Variants in RBFOX1 observed in about 807,000 individuals in gnomAD.
RBFOX1 encodes the protein RNA binding fox-1 homolog 1.
RBFOX1 carries 8 observed loss-of-function variants against 57.7 expected under a neutral mutation model. The observed-to-expected ratio is 0.14, with a 90% CI of 0.08 to 0.25. The LOEUF (loss-of-function observed/expected upper bound fraction) is 0.25. Ranked by LOEUF, RBFOX1 falls within the 10% of genes least tolerant of loss-of-function variation. The pLI is 1.00. For missense variants in RBFOX1, 611 were observed against 548.5 expected (o/e 1.11, Z -1.14); for synonymous variants, 326 against 222.4 (o/e 1.47, Z -4.15).
At chr16:6,584,565 T>A (rs2097580427) in intron 2 of RBFOX1, among the ~76,000 whole-genome samples, 1 of 151,956 alleles carries the variant, frequency 6.6e-6, no homozygotes. Flanking sequence ...GATAGGGTTT[T>A]GCCATGTTGA....
At chr16:5,480,162 G>A (rs1401541945) in intron 2 of RBFOX1, among the ~76,000 whole-genome samples, 1 of 152,166 alleles carries the variant, frequency 6.6e-6, no homozygotes, top group Non-Finnish European at 1.5e-5. Context: ...TGTGATCTAG[G>A]TTTTCTTTCA....
chr16:7,074,943 G>A (rs1265845189), intron 4 of RBFOX1, among the ~76,000 whole-genome samples: 3 of 152,164 alleles, frequency 2.0e-5, no homozygotes, highest in South Asian at 2.1e-4. Flanking sequence ...GAAATGGTGA[G>A]GTTGGGAAGA....
intron 3 of RBFOX1, among the ~76,000 whole-genome samples, chr16:6,799,439 A>C (rs2084844396): frequency 6.6e-6 from 1 of 152,148 alleles, no homozygotes; most frequent in Admixed American, 6.5e-5. Flanking sequence ...CTTTCTGGAA[A>C]AGAGGGAGTT....
At chr16:5,870,372 G>T (rs2057440485) in intron 4 of RBFOX1, among the ~76,000 whole-genome samples, 1 of 85,758 alleles carries the variant, frequency 1.2e-5, no homozygotes, top group African/African-American at 4.8e-5. Context: ...AATTTGTATG[G>T]CAAAAAAAAA....
intron 2 of RBFOX1, among the ~76,000 whole-genome samples, chr16:6,602,845 C>G (rs764077676): frequency 6.6e-6 from 1 of 152,116 alleles, no homozygotes; most frequent in Admixed American, 6.5e-5. Context: ...GCCCCACACA[C>G]CCCCACCATC....
chr16:7,176,985 G>C (rs1432415371), intron 4 of RBFOX1, among the ~76,000 whole-genome samples: 1 of 152,042 alleles, frequency 6.6e-6, no homozygotes, highest in Non-Finnish European at 1.5e-5. Context: ...GTTTTCAATA[G>C]AAAAATAAAA....
At chr16:5,655,113 G>A (rs1405577189) in intron 3 of RBFOX1, among the ~76,000 whole-genome samples, 1 of 152,154 alleles carries the variant, frequency 6.6e-6, no homozygotes, top group Non-Finnish European at 1.5e-5. Flanking sequence ...CTGACAGATG[G>A]TGCCATCTTC....
At chr16:6,219,320 A>G (rs2097356533) in intron 1 of RBFOX1, among the ~76,000 whole-genome samples, 1 of 152,130 alleles carries the variant, frequency 6.6e-6, no homozygotes. Flanking sequence ...ATACGCACAC[A>G]AAAAAGTAAT....
At chr16:6,266,909 C>G (rs2074581620) in intron 1 of RBFOX1, among the ~76,000 whole-genome samples, 1 of 152,168 alleles carries the variant, frequency 6.6e-6, no homozygotes, top group African/African-American at 2.4e-5. Flanking sequence ...TGATTCGCTT[C>G]TGAATTCCAT....
intron 3 of RBFOX1, among the ~76,000 whole-genome samples, chr16:5,865,196 A>C (rs1198654484): frequency 6.6e-6 from 1 of 152,200 alleles, no homozygotes; most frequent in Non-Finnish European, 1.5e-5. Context: ...GTTGAATATC[A>C]TATTTCCCTG....
intron 1 of RBFOX1, among the ~76,000 whole-genome samples, chr16:6,245,680 G>C (rs1175180308): frequency 6.6e-6 from 1 of 152,146 alleles, no homozygotes; most frequent in Non-Finnish European, 1.5e-5. Context: ...AACTCTTAGT[G>C]GTGTTAGAAT....
intron 5 of RBFOX1, among the ~76,000 whole-genome samples, chr16:7,534,194 C>T (rs895598676): frequency 6.7e-6 from 1 of 149,630 alleles, no homozygotes. Flanking sequence ...TCAGGCGATT[C>T]TCCTGCCTCA....
chr16:5,735,038 T>G (rs1045585985), intron 3 of RBFOX1, among the ~76,000 whole-genome samples: 11 of 152,180 alleles, frequency 7.2e-5, no homozygotes, highest in Admixed American at 7.2e-4. Flanking sequence ...GAGAGAAGTA[T>G]GTGAAGTCCA....
intron 4 of RBFOX1, among the ~76,000 whole-genome samples, chr16:7,450,911 C>T (rs1359198968): frequency 3.3e-5 from 5 of 152,086 alleles, no homozygotes; most frequent in East Asian, 1.9e-4. Context: ...GCATCCACAG[C>T]GTAGGTTGGT....
intron 2 of RBFOX1, among the ~76,000 whole-genome samples, chr16:5,545,319 T>C (rs2045148192): frequency 1.3e-5 from 2 of 152,084 alleles, no homozygotes; most frequent in Non-Finnish European, 2.9e-5. Flanking sequence ...ATATCAGTTC[T>C]ATACAAACTA....
intron 4 of RBFOX1, among the ~76,000 whole-genome samples, chr16:7,281,725 A>T (rs1456935266): frequency 1.3e-5 from 2 of 152,152 alleles, no homozygotes; most frequent in Non-Finnish European, 1.5e-5. Flanking sequence ...GAGAGAGTCT[A>T]TTGAGGGAAA....
intron 1 of RBFOX1, among the ~76,000 whole-genome samples, chr16:5,319,966 C>G (rs1201028640): frequency 6.6e-6 from 1 of 152,196 alleles, no homozygotes; most frequent in Non-Finnish European, 1.5e-5. Context: ...CATCTTCCAA[C>G]ATTTTGGTGG....
chr16:7,579,012 C>T (rs933821858), intron 5 of RBFOX1, among the ~76,000 whole-genome samples: 3 of 152,210 alleles, frequency 2.0e-5, no homozygotes, highest in Admixed American at 6.5e-5. Context: ...ACAGCACTTT[C>T]TGCAGAGATG....
At chr16:6,226,387 A>AAAG (rs1332074946) in intron 1 of RBFOX1, among the ~76,000 whole-genome samples, 4 of 150,966 alleles carry the variant, frequency 2.6e-5, no homozygotes, top group Admixed American at 6.6e-5. Context: ...AAAAAAAAAA[A>AAAG]AAAACAAAAA....
Sources: gnomAD v4.1 joint callset for allele counts (sites outside exome capture counted in the v4.1 genomes callset) on GRCh38, gnomAD v4.1.1 for gene constraint, MANE v1.5 for transcripts, NCBI Gene and HGNC (gene_info 2026-07-23, HGNC 2026-07-21) for gene names.